Variants in ANK2 observed in about 807,000 individuals in gnomAD.
ANK2 encodes ankyrin 2.
In ANK2, 83 loss-of-function variants were observed where a neutral mutation model predicts 360.5. The observed-to-expected ratio is 0.23, with a 90% CI of 0.19 to 0.28. The LOEUF is 0.28. Among genes scored for constraint, ANK2 ranks in the 10% least tolerant of loss-of-function variants. The pLI is 1.00. For synonymous variants in ANK2, 1,740 were observed against 1,759.5 expected (o/e 0.99, Z 0.28); for missense variants, 4,201 against 4,795.7 (o/e 0.88, Z 3.66).
rs1051353411 is a variant in ANK2 at position 113,148,407 on chromosome 4, G to C, written c.85-26009G>C. ...GTTACCTACCCTAGCTGATTTTCAAGTTATCACATCCTTCTTTTTTTTACC... is the reference window on the plus strand; with the variant it reads ...GTTACCTACCCTAGCTGATTTTCAACTTATCACATCCTTCTTTTTTTTACC... On this transcript the variant is annotated intron_variant, in intron 1 of 45. Coordinates refer to ENST00000357077, the MANE Select transcript of ANK2 (RefSeq NM_001148.6). Among the ~76,000 whole-genome samples, 3 of 152,102 alleles carry C rather than the reference G, an allele frequency of 2.0e-5. No individual in the cohort carries two copies. The East Asian group carries it at 5.8e-4, about 29-fold the overall frequency.
At chr4:112,919,978 G>T (rs180811319) in intron 2 of ANK2, among the ~76,000 whole-genome samples, 1 of 151,994 alleles carries the variant, frequency 6.6e-6, no homozygotes, top group East Asian at 1.9e-4. Flanking sequence ...TTTATTATAC[G>T]TAGAGCTGAA....
chr4:112,980,627 A>G (rs60328557), intron 2 of ANK2: 7 of 152,228 alleles, frequency 4.6e-5, no homozygotes, highest in Non-Finnish European at 8.8e-5. Context: ...TCATTTAAAC[A>G]TATATGGACT....
At chr4:112,736,481 A>AG in the ANK2 span, among the ~76,000 whole-genome samples, 1 of 146,038 alleles carries the variant, frequency 6.8e-6, no homozygotes, top group Non-Finnish European at 1.5e-5. Context: ...AAAAAAAAAA[A>AG]TAGAACCATA....
chr4:113,325,345 G>T (rs1390701958), intron 26 of ANK2, among the ~76,000 whole-genome samples: 1 of 152,110 alleles, frequency 6.6e-6, no homozygotes, highest in Non-Finnish European at 1.5e-5. Context: ...GTTTAAGTAG[G>T]TTTCCTAACC....
At chr4:112,779,737 A>T in the ANK2 span, among the ~76,000 whole-genome samples, 1 of 152,196 alleles carries the variant, frequency 6.6e-6, no homozygotes, top group Non-Finnish European at 1.5e-5. Flanking sequence ...TAATTTCAGG[A>T]TTGTTCAGTT....
chr4:112,829,978 A>G (rs1318521098), intron 1 of ANK2, among the ~76,000 whole-genome samples: 1 of 151,778 alleles, frequency 6.6e-6, no homozygotes, highest in Non-Finnish European at 1.5e-5. Context: ...AAAATAAAAA[A>G]TAAAAAAAAA....
chr4:113,068,185 C>A (rs2154338674), intron 1 of ANK2, among the ~76,000 whole-genome samples: 1 of 152,294 alleles, frequency 6.6e-6, no homozygotes, highest in South Asian at 2.1e-4. Flanking sequence ...TTGATGAGCA[C>A]ATAAGTTTTT....
At chr4:113,292,302 T>G in intron 20 of ANK2, 114 bp from the exon 21 acceptor site, 1 of 970,690 alleles carries the variant, frequency 1.0e-6, no homozygotes. Flanking sequence ...GGGCTCCAAA[T>G]AAAGCATCTG....
chr4:113,213,608 TG>T (rs2099049659), intron 4 of ANK2, among the ~76,000 whole-genome samples: 1 of 152,242 alleles, frequency 6.6e-6, no homozygotes, highest in Non-Finnish European at 1.5e-5. Context: ...TAATTTACAT[TG>T]ATTTAATTTA....
At chr4:112,944,087 A>G (rs942800744) in intron 2 of ANK2, among the ~76,000 whole-genome samples, 1 of 152,204 alleles carries the variant, frequency 6.6e-6, no homozygotes, top group African/African-American at 2.4e-5. Context: ...ACTAAAAAAC[A>G]CATGTATAAA....
chr4:113,328,126 C>A (rs1042104753), intron 26 of ANK2, among the ~76,000 whole-genome samples: 7 of 152,050 alleles, frequency 4.6e-5, no homozygotes, highest in African/African-American at 1.7e-4. Flanking sequence ...ACAACATGAG[C>A]GTGGAAACTT....
intron 45 of ANK2, among the ~76,000 whole-genome samples, chr4:113,375,477 GCACT>G (rs1230640262): frequency 1.3e-5 from 2 of 151,994 alleles, no homozygotes; most frequent in Admixed American, 1.3e-4. Flanking sequence ...TGTAATCCCA[GCACT>G]TTGGGAGGCC....
intron 4 of ANK2, among the ~76,000 whole-genome samples, chr4:113,209,251 CAGT>C (rs2098992286): frequency 6.6e-6 from 1 of 151,858 alleles, no homozygotes; most frequent in Non-Finnish European, 1.5e-5. Flanking sequence ...GAAACCTCAC[CAGT>C]AGTAGTAGCC....
intron 18 of ANK2, among the ~76,000 whole-genome samples, chr4:113,283,577 A>G (rs1428520157): frequency 6.6e-6 from 1 of 152,216 alleles, no homozygotes; most frequent in Non-Finnish European, 1.5e-5. Flanking sequence ...ATATTCAAAT[A>G]TAAAAATATA....
chr4:113,146,817 T>G (rs2096853185), intron 1 of ANK2, among the ~76,000 whole-genome samples: 1 of 152,116 alleles, frequency 6.6e-6, no homozygotes, highest in African/African-American at 2.4e-5. Flanking sequence ...AAATAGCTGG[T>G]TGCATGGTTT....
At chr4:113,210,063 C>T (rs2099003345) in intron 4 of ANK2, among the ~76,000 whole-genome samples, 1 of 152,254 alleles carries the variant, frequency 6.6e-6, no homozygotes, top group Admixed American at 6.5e-5. Context: ...ATAGGGGAAC[C>T]AAACATCTTG....
At chr4:113,213,846 G>A (rs143351925) in intron 4 of ANK2, among the ~76,000 whole-genome samples, 1 of 152,032 alleles carries the variant, frequency 6.6e-6, no homozygotes, top group East Asian at 1.9e-4. Flanking sequence ...AAGGATTCCT[G>A]TTTGCGATAC....
chr4:113,075,964 A>G (rs2079768640), intron 1 of ANK2, among the ~76,000 whole-genome samples: 1 of 152,214 alleles, frequency 6.6e-6, no homozygotes, highest in South Asian at 2.1e-4. Flanking sequence ...GATACTCCAG[A>G]TCCCACTGAG....
intron 2 of ANK2, among the ~76,000 whole-genome samples, chr4:112,996,627 G>C (rs2048616793): frequency 6.6e-6 from 1 of 151,756 alleles, no homozygotes; most frequent in Admixed American, 6.6e-5. Flanking sequence ...TGGGTACGTG[G>C]TATATTTATG....
Sources: gnomAD v4.1 joint callset for allele counts (sites outside exome capture counted in the v4.1 genomes callset) on GRCh38, gnomAD v4.1.1 for gene constraint, MANE v1.5 for transcripts, NCBI Gene and HGNC (gene_info 2026-07-23, HGNC 2026-07-21) for gene names.